The following RALGDS variants were observed in gnomAD, a reference collection of about 807,000 sequenced individuals.
RALGDS encodes the protein ral guanine nucleotide exchange factor.
In RALGDS, 44 loss-of-function variants were observed where a neutral mutation model predicts 99.8. The ratio of observed to expected loss-of-function variants is 0.44; its 90% CI spans 0.35 to 0.57. The LOEUF (loss-of-function observed/expected upper bound fraction) is 0.57, where lower values mean the gene tolerates loss of function less well. Ranked by LOEUF, RALGDS falls within the 20% of genes least tolerant of loss-of-function variation. The pLI, the probability that RALGDS is intolerant of heterozygous loss-of-function variation, is 0.01. For missense variants in RALGDS, 1,022 were observed against 1,203.1 expected, an observed-to-expected ratio of 0.85 and a Z score of 2.23; for synonymous variants, 529 against 505.0, an observed-to-expected ratio of 1.05 and a Z score of -0.64.
In RALGDS at chr9:133,108,294, TGGAGCTGGCTCTGGCTCC is replaced by T. The variant is rs898876902; in HGVS notation, c.873_890del (p.Glu292_Pro297del). ...CTAGCTCTGAACCTGGAGCTGGTGT[TGGAGCTGGCTCTGGCTCC>T]GGGGCTGGAGCCGGCACTGGGCTGG... is the stretch of plus-strand genomic sequence containing the variant. On this transcript the variant is annotated inframe_deletion, in exon 6 of 18. Transcript: ENST00000372050. 1.9e-6 allele frequency: 3 copies of T among 1,556,522 alleles called. No individual in the cohort carries two copies. In the African/African-American group the frequency reaches 4.1e-5, roughly 21 times the overall value.
At chr9:133,130,685 C>T (rs566241995) in intron 1 of RALGDS, among the ~76,000 whole-genome samples, 19 of 152,316 alleles carry the variant, frequency 1.2e-4, no homozygotes, top group African/African-American at 4.6e-4. Context: ...TACCTTGTCC[C>T]TGTTTTTCTC....
rs529847651 is a variant in RALGDS, at chr9:133,104,032, GCCCCTGGCCCT to G, written c.1672-210_1672-200del. ...AAATGCCAGGTTCCCAAGTCGTGTG[GCCCCTGGCCCT>G]CCCCAGCCCCACACCCGCCTGAGCC... is the stretch of plus-strand genomic sequence containing the variant. On this transcript the variant is annotated intron_variant, in intron 10 of 17. Coordinates refer to ENST00000372050, the MANE Select transcript of RALGDS (RefSeq NM_006266.4). Among the ~76,000 whole-genome samples, 16 of 152,170 alleles carry G rather than the reference GCCCCTGGCCCT, an allele frequency of 1.1e-4. No individual in the cohort carries two copies. The South Asian group carries it at 3.1e-3, about 30-fold the overall frequency.
intron 1 of RALGDS, among the ~76,000 whole-genome samples, chr9:133,120,409 T>G: frequency 6.7e-6 from 1 of 148,954 alleles, no homozygotes. Flanking sequence ...GGAGGCCTGC[T>G]GCTCCACCCC....
upstream of RALGDS, among the ~76,000 whole-genome samples, chr9:133,123,573 C>T (rs946872823): frequency 4.6e-5 from 7 of 152,326 alleles, no homozygotes; most frequent in Non-Finnish European, 1.0e-4. Flanking sequence ...TCCCTCTGGC[C>T]GGTGTCTGTT....
At chr9:133,128,122 C>T (rs565266241) in intron 1 of RALGDS, among the ~76,000 whole-genome samples, 1 of 152,240 alleles carries the variant, frequency 6.6e-6, no homozygotes, top group Non-Finnish European at 1.5e-5. Flanking sequence ...GCAGTGCTCG[C>T]TGCCTGGCAC....
chr9:133,108,551 TG>T, intron 5 of RALGDS, 121 bp downstream of exon 5: 1 of 1,433,122 alleles, frequency 7.0e-7, no homozygotes, highest in South Asian at 1.2e-5. Flanking sequence ...GGTCCCTGCC[TG>T]TGTGGTCTGA....
rs1831280928 is a variant in RALGDS at position 133,110,286 on chromosome 9, T to C, written c.488+10A>G. 2 of 1,612,166 alleles carry C rather than the reference T, an allele frequency of 1.2e-6. No homozygotes were observed. The highest frequency in any genetic ancestry group is 4.5e-5 in the East Asian group (2 of 44,876). On this transcript the variant is annotated intron_variant, in intron 3 of 17. Coordinates refer to ENST00000372050, the MANE Select transcript of RALGDS (RefSeq NM_006266.4). ...CTGTGCACCCTGTGCAGTGGAGGGC[T>C]CATGCTCACCTTTTGAACAGCAGGT... is the stretch of plus-strand genomic sequence containing the variant.
At chr9:133,104,521 T>G in intron 9 of RALGDS, 190 bp from the exon 10 acceptor site, 1 of 614,206 alleles carries the variant, frequency 1.6e-6, no homozygotes, top group Non-Finnish European at 2.9e-6. Flanking sequence ...GGATGAGAAC[T>G]CCGCCTGCTG....
chr9:133,117,885 A>T (rs1471203012), intron 1 of RALGDS, among the ~76,000 whole-genome samples: 1 of 152,210 alleles, frequency 6.6e-6, no homozygotes, highest in African/African-American at 2.4e-5. Flanking sequence ...GGCCAGTGAT[A>T]AATCTCCCCA....
chr9:133,119,990 G>A (rs80285611), intron 1 of RALGDS, among the ~76,000 whole-genome samples: 1 of 152,296 alleles, frequency 6.6e-6, no homozygotes, highest in East Asian at 1.9e-4. Flanking sequence ...GATGCCGCAC[G>A]GGGACTCAGG....
In RALGDS at chr9:133,107,097, G is replaced by A. The variant is rs370537729; in HGVS notation, c.1401C>T (p.Ile467=). The part of the protein sequence containing the change: ...PDRARVVEHW[I]EVARECRILK... Reference sequence around the variant, plus strand: ...TCCTCTGGCATACCCTGGCCACCTCGATCCAGTGCTCCACCACCCTGGCCC... The same window carrying A: ...TCCTCTGGCATACCCTGGCCACCTCAATCCAGTGCTCCACCACCCTGGCCC... Residue 467 remains isoleucine, a synonymous_variant, in exon 7 of 18, where the codon ATC becomes ATT. Transcript: ENST00000372050. The A allele has an allele frequency of 1.2e-5, 20 of 1,613,382 alleles. No homozygotes were observed. The highest frequency in any genetic ancestry group is 1.3e-5 in the African/African-American group (1 of 74,944).
intron 1 of RALGDS, among the ~76,000 whole-genome samples, chr9:133,130,410 G>A (rs896539726): frequency 2.6e-5 from 4 of 152,102 alleles, no homozygotes; most frequent in South Asian, 2.1e-4. Context: ...CACCGCACCC[G>A]GCCACAAGAT....
chr9:133,134,867 A>C (rs1290516354), upstream of RALGDS, among the ~76,000 whole-genome samples: 2 of 152,176 alleles, frequency 1.3e-5, no homozygotes, highest in Non-Finnish European at 2.9e-5. Context: ...TTTGAGGATG[A>C]AGCTCAGAGA....
intron 1 of RALGDS, among the ~76,000 whole-genome samples, chr9:133,143,765 T>TAAC (rs1323150292): frequency 9.3e-6 from 1 of 107,646 alleles, no homozygotes; most frequent in African/African-American, 4.4e-5. Flanking sequence ...ATAATAATAA[T>TAAC]AATAATAACA....
At chr9:133,100,420 C>T (rs916401130) in intron 16 of RALGDS, 38 bp from the exon 17 acceptor site, 4 of 1,612,398 alleles carry the variant, frequency 2.5e-6, no homozygotes, top group Non-Finnish European at 3.4e-6. Context: ...AGGGAAAAGA[C>T]CCTGGAGCGG....
chr9:133,130,798 A>T (rs562655432), intron 1 of RALGDS, among the ~76,000 whole-genome samples: 34 of 152,190 alleles, frequency 2.2e-4, no homozygotes, highest in Non-Finnish European at 3.5e-4. Context: ...CTTGCCCAAG[A>T]TCTCACAGGA....
exon 1 of RALGDS, chr9:133,149,166 C>T (rs1488796335): frequency 6.2e-6 from 1 of 160,698 alleles, no homozygotes; most frequent in East Asian, 1.9e-4. Context: ...CAGCGCCGCT[C>T]CCATTGTCTG....
At position 133,106,588 on chromosome 9, in the gene RALGDS, T is replaced by TGCCAGCCCTGTGGGAGGTCCCTGGTGC. The variant is rs1490661186; in HGVS notation, c.1517+30_1517+56dup. The stretch of plus-strand genomic sequence containing the variant: ...TCCCATGGGCTCACTAAGGGGGTGA[T>TGCCAGCCCTGTGGGAGGTCCCTGGTGC]GCCAGCCCTGTGGGAGGTCCCTGGT... On this transcript the variant is annotated intron_variant, in intron 8 of 17. Transcript: ENST00000372050. The TGCCAGCCCTGTGGGAGGTCCCTGGTGC allele has an allele frequency of 2.9e-5, 40 of 1,357,408 alleles. No individual in the cohort carries two copies. In the East Asian group the frequency reaches 9.9e-4, roughly 34 times the overall value. 84.1% of individuals were successfully genotyped at this position (1,357,408 alleles called of 1,614,324 possible).
chr9:133,132,263 C>T (rs371670090), upstream of RALGDS, among the ~76,000 whole-genome samples: 7 of 152,200 alleles, frequency 4.6e-5, no homozygotes, highest in East Asian at 1.9e-4. Flanking sequence ...ACACTATTAA[C>T]GGGAGAGACG....
Sources: gnomAD v4.1 joint callset for allele counts (sites outside exome capture counted in the v4.1 genomes callset) on GRCh38, gnomAD v4.1.1 for gene constraint, MANE v1.5 for transcripts, NCBI Gene and HGNC (gene_info 2026-07-23, HGNC 2026-07-21) for gene names.